The following GALNT17 variants were observed in gnomAD, a reference collection of about 807,000 sequenced individuals.
GALNT17 encodes the protein polypeptide N-acetylgalactosaminyltransferase 17.
GALNT17 carries 29 observed loss-of-function variants against 63.7 expected under a neutral mutation model. The ratio of observed to expected loss-of-function variants is 0.46; its 90% CI spans 0.34 to 0.62. The LOEUF (loss-of-function observed/expected upper bound fraction) is 0.62, where lower values mean the gene tolerates loss of function less well. GALNT17 is among the 20% of genes least tolerant of loss of function. GALNT17 has a pLI of 0.01. For missense variants in GALNT17, 603 were observed against 799.6 expected (o/e 0.75, Z 2.97); for synonymous variants, 305 against 318.3 (o/e 0.96, Z 0.45).
chr7:71,466,230 A>G (rs953852150), intron 5 of GALNT17, among the ~76,000 whole-genome samples: 2 of 152,214 alleles, frequency 1.3e-5, no homozygotes, highest in African/African-American at 4.8e-5. Context: ...CTCTTGGCCA[A>G]GGGTATCCCA....
chr7:71,199,675 AT>A (rs1789128939), intron 1 of GALNT17, among the ~76,000 whole-genome samples: 5 of 6,998 alleles, frequency 7.1e-4, no homozygotes, highest in Admixed American at 1.9e-3. Flanking sequence ...CCTTCCACCC[AT>A]CCATCCATCC....
chr7:71,600,554 C>CT (rs1562706003), intron 6 of GALNT17, among the ~76,000 whole-genome samples: 1 of 152,052 alleles, frequency 6.6e-6, no homozygotes, highest in Non-Finnish European at 1.5e-5. Context: ...TATTTATCTC[C>CT]AACTTTATAG....
intron 5 of GALNT17, among the ~76,000 whole-genome samples, chr7:71,483,098 A>G (rs562054901): frequency 5.3e-5 from 8 of 152,274 alleles, no homozygotes; most frequent in African/African-American, 1.7e-4. Context: ...CCTCTGGTAT[A>G]AAAGACTAAT....
chr7:71,299,042 G>A (rs76745852), intron 1 of GALNT17, among the ~76,000 whole-genome samples: 1 of 152,162 alleles, frequency 6.6e-6, no homozygotes, highest in East Asian at 1.9e-4. Flanking sequence ...TGAGAGGTCG[G>A]AACATTTTAG....
chr7:71,307,575 G>A (rs1318286228), intron 1 of GALNT17: 4 of 151,816 alleles, frequency 2.6e-5, no homozygotes, highest in African/African-American at 4.8e-5. Flanking sequence ...GGATGCAATC[G>A]AGGAAGACTT....
chr7:71,576,559 G>GTGTA (rs1234270821), intron 6 of GALNT17, among the ~76,000 whole-genome samples: 23 of 151,398 alleles, frequency 1.5e-4, no homozygotes, highest in Non-Finnish European at 3.4e-4. Flanking sequence ...GTGTGTGTGT[G>GTGTA]TGTGTGTTTT....
rs192822885 is a variant in GALNT17, at chr7:71,471,997, C to T, written c.962+50892C>T. Among the ~76,000 whole-genome samples, 4 of 151,660 alleles carry T rather than the reference C, an allele frequency of 2.6e-5. No homozygotes were observed. In the East Asian group the frequency reaches 7.8e-4, roughly 29 times the overall value. ...GCTGCTGTAACAAAATAACATATAC[C>T]GGGTGGCTTATAAACAACAAAAATT... On this transcript the variant is annotated intron_variant, in intron 5 of 10. Transcript: ENST00000333538.
At chr7:71,606,069 AGCTG>A (rs1273824697) in intron 6 of GALNT17, among the ~76,000 whole-genome samples, 1 of 151,566 alleles carries the variant, frequency 6.6e-6, no homozygotes, top group Non-Finnish European at 1.5e-5. Context: ...CCTCACAATT[AGCTG>A]GGACTACTGG....
chr7:71,586,285 G>A (rs1449566373), intron 6 of GALNT17, among the ~76,000 whole-genome samples: 1 of 152,146 alleles, frequency 6.6e-6, no homozygotes, highest in Non-Finnish European at 1.5e-5. Context: ...AGTCTCTATT[G>A]TATCTGACTT....
At chr7:71,183,967 C>T (rs544363980) in intron 1 of GALNT17, among the ~76,000 whole-genome samples, 24 of 152,186 alleles carry the variant, frequency 1.6e-4, no homozygotes, top group Non-Finnish European at 3.1e-4. Flanking sequence ...AGTTACAGAC[C>T]GAATTGTCTC....
intron 6 of GALNT17, among the ~76,000 whole-genome samples, chr7:71,654,647 T>G (rs1445322542): frequency 6.6e-6 from 1 of 150,996 alleles, no homozygotes; most frequent in Non-Finnish European, 1.5e-5. Context: ...TTATGTTAAT[T>G]TCTTGTTGTT....
At chr7:71,681,543 T>G (rs1230345814) in intron 9 of GALNT17, among the ~76,000 whole-genome samples, 1 of 152,148 alleles carries the variant, frequency 6.6e-6, no homozygotes, top group Non-Finnish European at 1.5e-5. Context: ...ACCCACAGCC[T>G]CTGGCCCAGG....
At chr7:71,608,714 A>G (rs1478445010) in intron 6 of GALNT17, among the ~76,000 whole-genome samples, 7 of 152,084 alleles carry the variant, frequency 4.6e-5, no homozygotes, top group Non-Finnish European at 1.0e-4. Context: ...CTTTGTGAGT[A>G]GTGAGGGCTT....
intron 6 of GALNT17, among the ~76,000 whole-genome samples, chr7:71,584,847 C>G (rs1388802779): frequency 6.6e-6 from 1 of 152,122 alleles, no homozygotes; most frequent in Non-Finnish European, 1.5e-5. Flanking sequence ...CTCTGCCTCT[C>G]GAGTTCACGC....
chr7:71,598,414 A>G (rs1789919266), intron 6 of GALNT17, among the ~76,000 whole-genome samples: 1 of 152,218 alleles, frequency 6.6e-6, no homozygotes, highest in Non-Finnish European at 1.5e-5. Context: ...TCAGAGATAT[A>G]GGCAATGCAC....
At chr7:71,267,722 G>T (rs1202637) in intron 1 of GALNT17, among the ~76,000 whole-genome samples, 119,493 of 151,998 alleles carry the variant, frequency 0.79, 47,175 homozygotes, top group East Asian at 0.95. Flanking sequence ...CTGGGGTACA[G>T]GTGCAGGAGG....
chr7:71,657,959 C>T (rs187308357), intron 6 of GALNT17, among the ~76,000 whole-genome samples: 71 of 152,166 alleles, frequency 4.7e-4, no homozygotes, highest in Non-Finnish European at 8.7e-4. Flanking sequence ...GGCTGGAGTG[C>T]GGTGGCATCA....
At chr7:71,355,680 C>CT (rs1792271550) in intron 2 of GALNT17, among the ~76,000 whole-genome samples, 2 of 151,956 alleles carry the variant, frequency 1.3e-5, no homozygotes, top group East Asian at 2.0e-4. Flanking sequence ...TCACAGGCGT[C>CT]TAACACTATG....
chr7:71,486,384 A>G (rs375072177), intron 5 of GALNT17, among the ~76,000 whole-genome samples: 1 of 135,760 alleles, frequency 7.4e-6, no homozygotes, highest in South Asian at 2.3e-4. Flanking sequence ...AATAATAATA[A>G]TAATAGTAAA....
Sources: gnomAD v4.1 joint callset for allele counts (sites outside exome capture counted in the v4.1 genomes callset) on GRCh38, gnomAD v4.1.1 for gene constraint, MANE v1.5 for transcripts, NCBI Gene and HGNC (gene_info 2026-07-23, HGNC 2026-07-21) for gene names.